The following MALRD1 variants were observed in gnomAD, a reference collection of about 807,000 sequenced individuals.
MALRD1 encodes the protein MAM and LDL receptor class A domain containing 1, also known as MAM and LDL-receptor class A domain-containing protein 1.
In MALRD1, 247 loss-of-function variants were observed where a neutral mutation model predicts 242.1. The ratio of observed to expected loss-of-function variants is 1.02; its 90% confidence interval spans 0.92 to 1.13. MALRD1 has a LOEUF of 1.13. MALRD1 is among the 50% of genes most tolerant of loss of function. The pLI is 0.00. For synonymous variants in MALRD1, 995 were observed against 866.6 expected, an observed-to-expected ratio of 1.15 and a Z score of -2.60; for missense variants, 2,989 against 2,533.1, an observed-to-expected ratio of 1.18 and a Z score of -3.86.
chr10:19,153,521 T>A (rs1479317807), intron 11 of MALRD1, among the ~76,000 whole-genome samples: 1 of 151,952 alleles, frequency 6.6e-6, no homozygotes, highest in Non-Finnish European at 1.5e-5. Flanking sequence ...TTTGAGACTC[T>A]GCTCCTACAA....
At chr10:19,160,160 T>C (rs146846860) in intron 12 of MALRD1, among the ~76,000 whole-genome samples, 2 of 152,320 alleles carry the variant, frequency 1.3e-5, no homozygotes, top group East Asian at 3.9e-4. Flanking sequence ...GAAGCAGGCA[T>C]GCGTCAAGAA....
intron 31 of MALRD1, among the ~76,000 whole-genome samples, chr10:19,510,620 G>A (rs981680889): frequency 6.6e-6 from 1 of 152,226 alleles, no homozygotes; most frequent in African/African-American, 2.4e-5. Context: ...GTTTCTGCGA[G>A]CACAGGGTTG....
intron 21 of MALRD1, among the ~76,000 whole-genome samples, chr10:19,308,623 T>C (rs1842316297): frequency 6.6e-6 from 1 of 151,544 alleles, no homozygotes; most frequent in Non-Finnish European, 1.5e-5. Context: ...TACCATATCT[T>C]GTCCCCAGGT....
intron 12 of MALRD1, among the ~76,000 whole-genome samples, chr10:19,160,238 G>A (rs1048796291): frequency 6.6e-6 from 1 of 150,996 alleles, no homozygotes; most frequent in Admixed American, 6.6e-5. Context: ...TTTTGTCTTT[G>A]GCTCTGTTTA....
chr10:19,380,981 C>T (rs1199146818), intron 26 of MALRD1, among the ~76,000 whole-genome samples: 2 of 150,918 alleles, frequency 1.3e-5, no homozygotes, highest in African/African-American at 4.9e-5. Context: ...CATATGTACA[C>T]ATGTGCCATG....
intron 21 of MALRD1, among the ~76,000 whole-genome samples, chr10:19,321,474 A>T (rs1577290): frequency 6.6e-6 from 1 of 151,748 alleles, no homozygotes; most frequent in Non-Finnish European, 1.5e-5. Context: ...TATATTTTTA[A>T]TTATTTCAAA....
intron 36 of MALRD1, among the ~76,000 whole-genome samples, chr10:19,672,457 T>C (rs1378855320): frequency 6.7e-6 from 1 of 149,112 alleles, no homozygotes; most frequent in African/African-American, 2.5e-5. Context: ...GCAGTCTCTC[T>C]CTCTCACCTA....
At chr10:19,439,590 G>T (rs2496087) in intron 28 of MALRD1, among the ~76,000 whole-genome samples, 107,183 of 151,684 alleles carry the variant, frequency 0.71, 38,036 homozygotes, top group Non-Finnish European at 0.75. Context: ...ACCGGTGCAG[G>T]AACAATATAA....
intron 14 of MALRD1, among the ~76,000 whole-genome samples, chr10:19,190,508 A>C (rs1420384410): frequency 2.0e-5 from 3 of 152,136 alleles, no homozygotes; most frequent in African/African-American, 7.2e-5. Context: ...AAAGAGGAAC[A>C]AAGTTGGAGG....
chr10:19,400,957 A>C (rs1296284735), intron 28 of MALRD1, among the ~76,000 whole-genome samples: 2 of 152,160 alleles, frequency 1.3e-5, no homozygotes, highest in Non-Finnish European at 2.9e-5. Flanking sequence ...TGGAGGTTGC[A>C]GTGAGCCAAG....
intron 21 of MALRD1, among the ~76,000 whole-genome samples, chr10:19,292,233 C>T (rs568971350): frequency 1.6e-4 from 25 of 152,060 alleles, no homozygotes; most frequent in African/African-American, 6.0e-4. Flanking sequence ...GTACAATACA[C>T]AATGTTTTTT....
intron 2 of MALRD1, among the ~76,000 whole-genome samples, chr10:19,069,742 T>G (rs1835085505): frequency 6.7e-6 from 1 of 150,128 alleles, no homozygotes; most frequent in South Asian, 2.1e-4. Context: ...TACTGTGATA[T>G]CCACAATTTC....
chr10:19,402,951 T>A (rs1328421956), intron 28 of MALRD1, among the ~76,000 whole-genome samples: 1 of 152,120 alleles, frequency 6.6e-6, no homozygotes, highest in Non-Finnish European at 1.5e-5. Context: ...GTAGGCACAA[T>A]TTAGTTTTGT....
chr10:19,208,666 A>G (rs1464259417), intron 17 of MALRD1, among the ~76,000 whole-genome samples: 2 of 152,196 alleles, frequency 1.3e-5, no homozygotes, highest in Non-Finnish European at 2.9e-5. Flanking sequence ...CCCTATATCT[A>G]ATAAGCTAGT....
At chr10:19,386,710 A>G (rs1017682694) in intron 26 of MALRD1, among the ~76,000 whole-genome samples, 1 of 64,802 alleles carries the variant, frequency 1.5e-5, no homozygotes, top group Non-Finnish European at 3.1e-5. Context: ...ACACACAAAT[A>G]CATATACATA....
At chr10:19,494,442 A>G (rs1837625075) in intron 30 of MALRD1, among the ~76,000 whole-genome samples, 1 of 152,180 alleles carries the variant, frequency 6.6e-6, no homozygotes. Flanking sequence ...AGATGGCTGA[A>G]ATGGCACACA....
intron 14 of MALRD1, among the ~76,000 whole-genome samples, chr10:19,177,302 G>C (rs1362345713): frequency 6.7e-6 from 1 of 149,130 alleles, no homozygotes; most frequent in Non-Finnish European, 1.5e-5. Flanking sequence ...AAAGATTCAC[G>C]AGTTTTTAAG....
At chr10:19,676,707 G>C (rs1373923764) in intron 36 of MALRD1, among the ~76,000 whole-genome samples, 1 of 152,110 alleles carries the variant, frequency 6.6e-6, no homozygotes, top group East Asian at 1.9e-4. Flanking sequence ...ACATGTGCAG[G>C]ATATGCAGGT....
intron 5 of MALRD1, among the ~76,000 whole-genome samples, chr10:19,110,403 C>T (rs141444674): frequency 0.01 from 1,586 of 152,146 alleles, 34 homozygotes; most frequent in African/African-American, 0.037. Flanking sequence ...ATTTATCAGG[C>T]GAGAAATCAC....
Sources: allele counts gnomAD v4.1 joint callset (sites outside exome capture counted in the v4.1 genomes callset), GRCh38; gene constraint gnomAD v4.1.1; transcripts MANE v1.5; gene names NCBI Gene and HGNC (gene_info 2026-07-23, HGNC 2026-07-21).